TAFA5: variants seen among roughly 807,000 people sequenced by gnomAD.
The protein encoded by TAFA5 is chemokine-like protein TAFA-5.
TAFA5 carries 6 observed loss-of-function variants against 15.3 expected under a neutral mutation model. The observed-to-expected ratio is 0.39, with a 90% CI of 0.21 to 0.77. The LOEUF (loss-of-function observed/expected upper bound fraction) is 0.77, where lower values mean the gene tolerates loss of function less well. Among genes scored for constraint, TAFA5 ranks in the 30% least tolerant of loss-of-function variants. The pLI is 0.41. For synonymous variants in TAFA5, 103 were observed against 80.7 expected, an observed-to-expected ratio of 1.28 and a Z score of -1.48; for missense variants, 161 against 193.1, an observed-to-expected ratio of 0.83 and a Z score of 0.98.
At chr22:48,712,155 C>G (rs1327630647) in intron 3 of TAFA5, among the ~76,000 whole-genome samples, 2 of 152,220 alleles carry the variant, frequency 1.3e-5, no homozygotes, top group Non-Finnish European at 2.9e-5. Flanking sequence ...CTCCCGAGTT[C>G]AAGTGATTCT....
intron 1 of TAFA5, among the ~76,000 whole-genome samples, chr22:48,612,728 G>A (rs1218301869): frequency 1.3e-5 from 2 of 152,126 alleles, no homozygotes; most frequent in Admixed American, 6.5e-5. Flanking sequence ...CCCTGTCTCT[G>A]AGAAACCCTC....
intron 1 of TAFA5, among the ~76,000 whole-genome samples, chr22:48,557,931 C>T (rs761752289): frequency 3.3e-5 from 5 of 152,332 alleles, no homozygotes; most frequent in Admixed American, 6.5e-5. Context: ...GTGTCTAAGC[C>T]GGGGCAGGTG....
At chr22:48,625,435 A>G (rs759635774) in intron 1 of TAFA5, among the ~76,000 whole-genome samples, 8 of 152,368 alleles carry the variant, frequency 5.3e-5, no homozygotes, top group South Asian at 4.1e-4. Flanking sequence ...CCCACTGGCC[A>G]TGCAGCTCAC....
intron 1 of TAFA5, among the ~76,000 whole-genome samples, chr22:48,499,608 C>T (rs953063497): frequency 1.3e-5 from 2 of 152,330 alleles, no homozygotes; most frequent in East Asian, 1.9e-4. Flanking sequence ...GGGGTGGCGC[C>T]GGGGTCAGCC....
At chr22:48,609,890 C>T (rs770138070) in intron 1 of TAFA5, among the ~76,000 whole-genome samples, 11 of 152,200 alleles carry the variant, frequency 7.2e-5, no homozygotes, top group African/African-American at 1.4e-4. Context: ...CACATACAGC[C>T]GTCCTCCCTC....
At chr22:48,736,925 G>C (rs1569099664) in intron 3 of TAFA5, among the ~76,000 whole-genome samples, 1 of 152,082 alleles carries the variant, frequency 6.6e-6, no homozygotes, top group African/African-American at 2.4e-5. Context: ...GCCCAACCTG[G>C]GAATTGATGC....
intron 2 of TAFA5, among the ~76,000 whole-genome samples, chr22:48,650,738 C>A (rs1927023868): frequency 6.6e-6 from 1 of 152,166 alleles, no homozygotes; most frequent in African/African-American, 2.4e-5. Flanking sequence ...GTGAAAGATT[C>A]AAACACAAAC....
chr22:48,596,836 T>C (rs2147162106), intron 1 of TAFA5, among the ~76,000 whole-genome samples: 1 of 152,002 alleles, frequency 6.6e-6, no homozygotes, highest in African/African-American at 2.4e-5. Flanking sequence ...TGAGACAGGG[T>C]CTCCTTCTGT....
At chr22:48,511,296 G>T (rs1221920435) in intron 1 of TAFA5, among the ~76,000 whole-genome samples, 1 of 152,146 alleles carries the variant, frequency 6.6e-6, no homozygotes, top group African/African-American at 2.4e-5. Flanking sequence ...CCACCTTCTC[G>T]GGCTGGCCTC....
chr22:48,619,632 G>A (rs1213984921), intron 1 of TAFA5, among the ~76,000 whole-genome samples: 1 of 152,230 alleles, frequency 6.6e-6, no homozygotes, highest in Non-Finnish European at 1.5e-5. Flanking sequence ...GAGATTACAA[G>A]TGTGAGAGTG....
chr22:48,645,222 G>A lies in TAFA5; in HGVS notation c.113-1375G>A, dbSNP rs1482294626. The stretch of plus-strand genomic sequence containing the variant: ...CAGATTTGGGCAGCACTGGCTGAGG[G>A]ACAAGCTCCATCCTGCCCTGGGGAT... On this transcript the variant is annotated intron_variant, in intron 1 of 3. Transcript: ENST00000402357. 2.0e-5 allele frequency among the ~76,000 whole-genome samples: 3 copies of A among 152,176 alleles called. No individual in the cohort carries two copies. The East Asian group carries it at 5.8e-4, about 29-fold the overall frequency.
At position 48,738,200 on chromosome 22, in the gene TAFA5, T is replaced by TG. The variant is rs1222175097; in HGVS notation, c.391-11635dup. Among the ~76,000 whole-genome samples, 6 of 152,256 alleles carry TG rather than the reference T, an allele frequency of 3.9e-5. No individual in the cohort carries two copies. In the East Asian group the frequency reaches 9.7e-4, roughly 25 times the overall value. On this transcript the variant is annotated intron_variant, in intron 3 of 3. Coordinates refer to ENST00000402357, the MANE Select transcript of TAFA5 (RefSeq NM_001082967.3). ...GGAGCCGAGCACGGGGAGCCCAGCA[T>TG]GGGGAGGGCCTTATTGTCACTGGAG...
At chr22:48,569,918 C>G (rs1396008798) in intron 1 of TAFA5, among the ~76,000 whole-genome samples, 1 of 152,224 alleles carries the variant, frequency 6.6e-6, no homozygotes. Context: ...CCCTCATGGG[C>G]CATGCTGGAT....
chr22:48,694,688 A>T (rs561310835), intron 2 of TAFA5, among the ~76,000 whole-genome samples: 2 of 152,088 alleles, frequency 1.3e-5, no homozygotes, highest in East Asian at 3.9e-4. Flanking sequence ...TCCCCGGGCC[A>T]CAGTGCCCTG....
chr22:48,578,687 G>A (rs1384855018), intron 1 of TAFA5, among the ~76,000 whole-genome samples: 1 of 152,236 alleles, frequency 6.6e-6, no homozygotes, highest in Admixed American at 6.5e-5. Context: ...CTGAAGTCCT[G>A]TCTCCCTGTC....
At chr22:48,622,883 CA>C (rs1925889734) in intron 1 of TAFA5, among the ~76,000 whole-genome samples, 1 of 152,232 alleles carries the variant, frequency 6.6e-6, no homozygotes, top group East Asian at 1.9e-4. Flanking sequence ...TGGACAGGGC[CA>C]CCTTCCCACC....
chr22:48,646,038 C>T (rs1569062188), intron 1 of TAFA5, among the ~76,000 whole-genome samples: 1 of 152,174 alleles, frequency 6.6e-6, no homozygotes, highest in African/African-American at 2.4e-5. Flanking sequence ...ACAGTGGTGC[C>T]CGCCTGCTCG....
intron 1 of TAFA5, among the ~76,000 whole-genome samples, chr22:48,532,874 C>CA (rs1187635425): frequency 6.6e-6 from 1 of 152,222 alleles, no homozygotes; most frequent in Non-Finnish European, 1.5e-5. Flanking sequence ...ACAGGACACA[C>CA]ACTGTCTTTG....
intron 2 of TAFA5, among the ~76,000 whole-genome samples, chr22:48,662,346 C>G (rs9617488): frequency 1.3e-5 from 2 of 151,758 alleles, no homozygotes; most frequent in African/African-American, 2.4e-5. Context: ...AGGAAGGTGA[C>G]GGATCACTCT....
Sources: gnomAD v4.1 joint callset for allele counts (sites outside exome capture counted in the v4.1 genomes callset) on GRCh38, gnomAD v4.1.1 for gene constraint, MANE v1.5 for transcripts, NCBI Gene and HGNC (gene_info 2026-07-23, HGNC 2026-07-21) for gene names.